CAST: variants seen among roughly 807,000 people sequenced by gnomAD.
CAST encodes the protein MIR583 host.
CAST carries 76 observed loss-of-function variants against 119.6 expected under a neutral mutation model. The observed-to-expected ratio is 0.64, with a 90% confidence interval of 0.53 to 0.77. The LOEUF (loss-of-function observed/expected upper bound fraction) is 0.77. CAST is among the 30% of genes least tolerant of loss of function. CAST has a pLI of 0.00. For missense variants in CAST, 953 were observed against 946.5 expected (o/e 1.01, Z -0.09); for synonymous variants, 319 against 331.6 (o/e 0.96, Z 0.41).
chr5:96,766,168 A>G, intron 27 of CAST, 23 bp downstream of exon 27: 1 of 1,296,478 alleles, frequency 7.7e-7, no homozygotes, highest in African/African-American at 1.5e-5. Context: ...AAATTGCTAG[A>G]TCGGATTTAT....
At chr5:96,319,822 C>T in the CAST span, among the ~76,000 whole-genome samples, 1 of 151,926 alleles carries the variant, frequency 6.6e-6, no homozygotes, top group South Asian at 2.1e-4. Flanking sequence ...AGTCAGGTGT[C>T]TGAACCTAGA....
chr5:96,282,240 C>A, the CAST span, among the ~76,000 whole-genome samples: 73 of 152,294 alleles, frequency 4.8e-4, no homozygotes, highest in African/African-American at 1.7e-3. Context: ...AAATAACAGA[C>A]GTCCACCACA....
chr5:95,992,920 A>G, the CAST span, among the ~76,000 whole-genome samples: 1 of 152,120 alleles, frequency 6.6e-6, no homozygotes, highest in African/African-American at 2.4e-5. Flanking sequence ...ATTCAAAACA[A>G]TTTTGAAAAA....
At chr5:96,342,815 C>A in the CAST span, among the ~76,000 whole-genome samples, 1 of 152,142 alleles carries the variant, frequency 6.6e-6, no homozygotes, top group South Asian at 2.1e-4. Flanking sequence ...GCCACAAACG[C>A]CCTGAGCCTA....
intron 16 of CAST, chr5:96,743,477 A>C: frequency 1.8e-6 from 2 of 1,119,300 alleles, no homozygotes; most frequent in Non-Finnish European, 2.5e-6. Context: ...AGCCCGCCCC[A>C]CCTCCATCAG....
intron 1 of CAST, among the ~76,000 whole-genome samples, chr5:96,589,564 C>A (rs1484444133): frequency 2.6e-5 from 4 of 152,218 alleles, no homozygotes; most frequent in African/African-American, 9.6e-5. Context: ...GGAGATGGAA[C>A]ATATCACCTA....
the CAST span, among the ~76,000 whole-genome samples, chr5:96,227,581 GTTTGT>G: frequency 6.6e-6 from 1 of 152,160 alleles, no homozygotes; most frequent in Non-Finnish European, 1.5e-5. Context: ...GATGGAGGAA[GTTTGT>G]TTTGTTTTTG....
At chr5:96,638,398 T>G (rs1747909348) in intron 1 of CAST, among the ~76,000 whole-genome samples, 1 of 152,056 alleles carries the variant, frequency 6.6e-6, no homozygotes, top group Admixed American at 6.6e-5. Context: ...AGAGCGAGAC[T>G]CCATCTCAAA....
At chr5:96,123,407 TA>T in the CAST span, among the ~76,000 whole-genome samples, 1 of 152,244 alleles carries the variant, frequency 6.6e-6, no homozygotes, top group East Asian at 1.9e-4. Flanking sequence ...TAATGTCTAA[TA>T]AAAAATTGTC....
chr5:96,150,695 T>C, the CAST span, among the ~76,000 whole-genome samples: 1 of 151,662 alleles, frequency 6.6e-6, no homozygotes, highest in Non-Finnish European at 1.5e-5. Flanking sequence ...AACTACGGAG[T>C]GAGGTGACTC....
At chr5:96,227,789 G>A in the CAST span, among the ~76,000 whole-genome samples, 2 of 151,960 alleles carry the variant, frequency 1.3e-5, no homozygotes, top group Admixed American at 1.3e-4. Flanking sequence ...AAGCCTTGAG[G>A]CTCCCTTTTC....
rs118120228 is a variant in CAST at position 96,676,387 on chromosome 5, A to G, written c.138+786A>G. ...TCAAGTGATCATTTTATTTTTCTCT[A>G]TATTATCAACATTAATCAGGTGTTT... On this transcript the variant is annotated intron_variant, in intron 2 of 31. Coordinates refer to ENST00000675179, the MANE Select transcript of CAST (RefSeq NM_001750.7). 2.0e-3 allele frequency among the ~76,000 whole-genome samples: 311 copies of G among 152,244 alleles called. 7 individuals carry two copies. The East Asian group carries it at 0.047, about 23-fold the overall frequency.
At chr5:96,067,033 C>T in the CAST span, among the ~76,000 whole-genome samples, 8 of 152,036 alleles carry the variant, frequency 5.3e-5, no homozygotes, top group African/African-American at 1.9e-4. Context: ...GAAAGCATCA[C>T]CTTCATTTTC....
chr5:95,987,280 C>T, the CAST span, among the ~76,000 whole-genome samples: 3 of 152,090 alleles, frequency 2.0e-5, 1 homozygote, highest in Middle Eastern at 3.4e-3. Flanking sequence ...GGAGTGTGAC[C>T]CTTTCTTTTT....
At chr5:96,557,505 G>A (rs1334702571) in intron 1 of CAST, among the ~76,000 whole-genome samples, 1 of 151,964 alleles carries the variant, frequency 6.6e-6, no homozygotes, top group Non-Finnish European at 1.5e-5. Flanking sequence ...ATAAAGGGAT[G>A]GAGAAAGATC....
At chr5:96,227,104 A>G in the CAST span, among the ~76,000 whole-genome samples, 1 of 152,318 alleles carries the variant, frequency 6.6e-6, no homozygotes, top group South Asian at 2.1e-4. Flanking sequence ...GTTTAATGTC[A>G]GAACACACAG....
chr5:95,988,328 A>G, the CAST span, among the ~76,000 whole-genome samples: 1 of 151,962 alleles, frequency 6.6e-6, no homozygotes, highest in African/African-American at 2.4e-5. Flanking sequence ...TTTCTGCCCT[A>G]TTTGTTCCTA....
At chr5:96,108,633 C>CA in the CAST span, among the ~76,000 whole-genome samples, 18 of 148,684 alleles carry the variant, frequency 1.2e-4, no homozygotes, top group Non-Finnish European at 1.9e-4. Context: ...TCAAAGCTGT[C>CA]AGACAGGGAC....
chr5:96,108,897 C>T, the CAST span, among the ~76,000 whole-genome samples: 1 of 152,246 alleles, frequency 6.6e-6, no homozygotes, highest in Non-Finnish European at 1.5e-5. Flanking sequence ...ATAGGACCCT[C>T]CAAGCCATGT....
Sources: gnomAD v4.1 joint callset for allele counts (sites outside exome capture counted in the v4.1 genomes callset) on GRCh38, gnomAD v4.1.1 for gene constraint, MANE v1.5 for transcripts, NCBI Gene and HGNC (gene_info 2026-07-23, HGNC 2026-07-21) for gene names.